Variants in SGF29 observed in about 807,000 individuals in gnomAD.
The protein encoded by SGF29 is SAGA-associated factor 29.
A neutral mutation model predicts 38.1 loss-of-function variants in SGF29; 15 were observed. The ratio of observed to expected loss-of-function variants is 0.39; its 90% CI spans 0.26 to 0.61. SGF29 has a LOEUF of 0.61. SGF29 is among the 20% of genes least tolerant of loss of function. SGF29 has a pLI of 0.49. For synonymous variants in SGF29, 151 were observed against 160.8 expected, an observed-to-expected ratio of 0.94 and a Z score of 0.46; for missense variants, 184 against 394.6, an observed-to-expected ratio of 0.47 and a Z score of 4.52.
At chr16:28,589,484 G>A in intron 5 of SGF29, 1 of 327,928 alleles carries the variant, frequency 3.0e-6, no homozygotes, top group South Asian at 3.6e-5. Context: ...GCTGGTTTCT[G>A]CAGAGCCACA....
intron 3 of SGF29, 196 bp from the exon 4 acceptor site, chr16:28,585,452 C>T (rs1263133155): frequency 1.6e-6 from 1 of 619,196 alleles, no homozygotes; most frequent in East Asian, 2.7e-5. Flanking sequence ...GTAGGGATGG[C>T]ATTTGTACCA....
At chr16:28,588,020 G>A (rs889930059) in intron 4 of SGF29, among the ~76,000 whole-genome samples, 13 of 151,952 alleles carry the variant, frequency 8.6e-5, no homozygotes, top group African/African-American at 3.1e-4. Context: ...GGCTGGTGTC[G>A]ATCTCCTGAC....
intron 1 of SGF29, among the ~76,000 whole-genome samples, chr16:28,566,444 G>C (rs1489560158): frequency 6.6e-6 from 1 of 152,030 alleles, no homozygotes; most frequent in Admixed American, 6.6e-5. Flanking sequence ...GAGTGATCTG[G>C]ATGTCCCAGA....
chr16:28,558,787 GA>G (rs2046768349), intron 1 of SGF29, among the ~76,000 whole-genome samples: 1 of 152,124 alleles, frequency 6.6e-6, no homozygotes, highest in Non-Finnish European at 1.5e-5. Context: ...CTAAGTGAAA[GA>G]AGCAAGTCAC....
intron 4 of SGF29, among the ~76,000 whole-genome samples, chr16:28,587,217 A>G (rs1596608114): frequency 6.6e-6 from 1 of 152,318 alleles, no homozygotes; most frequent in Non-Finnish European, 1.5e-5. Context: ...TATCAAACAC[A>G]CTAGTTTTAG....
At position 28,571,711 on chromosome 16, in the gene SGF29, C is replaced by T. The variant is rs182473274; in HGVS notation, c.-15-9344C>T. Among the ~76,000 whole-genome samples the T allele has an allele frequency of 2.6e-5, 4 of 152,022 alleles. No homozygotes were observed. In the East Asian group the frequency reaches 7.7e-4, roughly 29 times the overall value. On this transcript the variant is annotated intron_variant, in intron 1 of 9. Transcript: ENST00000317058. Reference sequence around the variant, plus strand: ...GGTAGCTTGCAGAAGCCAAGGAAAGCCTACGCTTTCAAAAAAAGTTTGGAA... The same window carrying T: ...GGTAGCTTGCAGAAGCCAAGGAAAGTCTACGCTTTCAAAAAAAGTTTGGAA...
intron 1 of SGF29, among the ~76,000 whole-genome samples, chr16:28,562,199 G>C (rs2046794504): frequency 6.6e-6 from 1 of 152,206 alleles, no homozygotes; most frequent in Admixed American, 6.5e-5. Context: ...CTCCAGATGA[G>C]AAGGGCCACT....
At chr16:28,573,698 C>G (rs2046878550) in intron 1 of SGF29, among the ~76,000 whole-genome samples, 2 of 152,056 alleles carry the variant, frequency 1.3e-5, no homozygotes, top group Admixed American at 1.3e-4. Context: ...AGGGTGAAGG[C>G]AGAGGTGACA....
At chr16:28,557,060 G>A (rs1388622766) in intron 1 of SGF29, among the ~76,000 whole-genome samples, 1 of 152,116 alleles carries the variant, frequency 6.6e-6, no homozygotes, top group Non-Finnish European at 1.5e-5. Flanking sequence ...TAAGCCCTGT[G>A]GGATTAATCT....
chr16:28,559,672 G>A (rs2046773980), intron 1 of SGF29, among the ~76,000 whole-genome samples: 1 of 151,968 alleles, frequency 6.6e-6, no homozygotes, highest in Non-Finnish European at 1.5e-5. Flanking sequence ...CACCGCACCC[G>A]GCCCATTAAG....
At position 28,584,947 on chromosome 16, in the gene SGF29, ACATC is replaced by A; in HGVS notation, c.113_116del (p.Ile38ArgfsTer81). 1 of 1,613,810 alleles carries A rather than the reference ACATC, an allele frequency of 6.2e-7. No individual in the cohort carries two copies. The highest frequency in any genetic ancestry group is 8.5e-7 in the Non-Finnish European group (1 of 1,179,954). The stretch of plus-strand genomic sequence containing the variant: ...TCGCGGAGCGAACACAACTTAGTGA[ACATC>A]CAGAAGACCCATGAGCGGATGCAGA... On this transcript the variant is annotated frameshift_variant, in exon 3 of 10. Transcript: ENST00000317058. LOFTEE classifies it high-confidence loss of function.
chr16:28,559,834 A>G (rs1377274088), intron 1 of SGF29, among the ~76,000 whole-genome samples: 1 of 152,216 alleles, frequency 6.6e-6, no homozygotes, highest in Non-Finnish European at 1.5e-5. Flanking sequence ...AGCTGTGATT[A>G]ACTGCATGTT....
At position 28,585,609 on chromosome 16, in the gene SGF29, C is replaced by T. The variant is rs761626451; in HGVS notation, c.152-39C>T. ...AAGCAGTGCCATGCTACTGTGCCTG[C>T]CCTGGCCCTGCCTCCTTATCCCTGT... is the stretch of plus-strand genomic sequence containing the variant. On this transcript the variant is annotated intron_variant, in intron 3 of 9. Coordinates refer to ENST00000317058, the MANE Select transcript of SGF29 (RefSeq NM_138414.3). The T allele has an allele frequency of 4.5e-6, 7 of 1,558,544 alleles. No individual in the cohort carries two copies. The East Asian group carries it at 1.6e-4, about 35-fold the overall frequency.
intron 1 of SGF29, among the ~76,000 whole-genome samples, chr16:28,557,234 A>G (rs933693753): frequency 6.6e-6 from 1 of 152,212 alleles, no homozygotes; most frequent in East Asian, 1.9e-4. Context: ...GACCGTGCTT[A>G]ATGAAAGTTC....
chr16:28,571,790 G>A (rs2046866453), intron 1 of SGF29, among the ~76,000 whole-genome samples: 1 of 151,922 alleles, frequency 6.6e-6, no homozygotes, highest in African/African-American at 2.4e-5. Flanking sequence ...GGGGGTCAGG[G>A]AAGGAGAGAG....
intron 1 of SGF29, among the ~76,000 whole-genome samples, chr16:28,564,703 A>T (rs2046820580): frequency 1.2e-5 from 1 of 80,280 alleles, no homozygotes; most frequent in African/African-American, 5.1e-5. Flanking sequence ...ATATGTATAT[A>T]TATACATATA....
At chr16:28,577,414 C>A (rs537339820) in intron 1 of SGF29, among the ~76,000 whole-genome samples, 1 of 151,864 alleles carries the variant, frequency 6.6e-6, no homozygotes, top group African/African-American at 2.4e-5. Context: ...CCCAACCCTT[C>A]CCCACCCAGC....
intron 1 of SGF29, among the ~76,000 whole-genome samples, chr16:28,557,495 C>CT (rs1314578021): frequency 2.0e-5 from 3 of 152,168 alleles, no homozygotes; most frequent in African/African-American, 7.2e-5. Flanking sequence ...GCCAGTAAAC[C>CT]TAAGTGTTTC....
At chr16:28,554,365 C>T (rs777017802) in intron 1 of SGF29, among the ~76,000 whole-genome samples, 4 of 152,114 alleles carry the variant, frequency 2.6e-5, no homozygotes, top group East Asian at 1.9e-4. Context: ...TGGGAAACAG[C>T]GACACGCTGG....
Sources: gnomAD v4.1 joint callset for allele counts (sites outside exome capture counted in the v4.1 genomes callset) on GRCh38, gnomAD v4.1.1 for gene constraint, MANE v1.5 for transcripts, NCBI Gene and HGNC (gene_info 2026-07-23, HGNC 2026-07-21) for gene names.